Variants in RERE observed in about 807,000 individuals in gnomAD.
RERE encodes arginine-glutamic acid dipeptide repeats, also known as arginine-glutamic acid dipeptide repeats protein.
In RERE, 40 loss-of-function variants were observed where a neutral mutation model predicts 146.1. The ratio of observed to expected loss-of-function variants is 0.27; its 90% CI spans 0.21 to 0.36. RERE has a LOEUF of 0.36. Among genes scored for constraint, RERE ranks in the 10% least tolerant of loss-of-function variants. The pLI is 1.00. For synonymous variants in RERE, 1,003 were observed against 866.0 expected, an observed-to-expected ratio of 1.16 and a Z score of -2.78; for missense variants, 1,933 against 2,138.7, an observed-to-expected ratio of 0.90 and a Z score of 1.90.
At chr1:8,633,542 G>C (rs994191441) in intron 2 of RERE, among the ~76,000 whole-genome samples, 9 of 152,120 alleles carry the variant, frequency 5.9e-5, no homozygotes, top group Admixed American at 3.3e-4. Context: ...TTTTCTTCTT[G>C]AGTGATTACT....
intron 12 of RERE, among the ~76,000 whole-genome samples, chr1:8,393,653 T>C (rs1179275623): frequency 2.0e-5 from 3 of 152,198 alleles, no homozygotes; most frequent in Non-Finnish European, 4.4e-5. Context: ...GTTATTTCTG[T>C]TATCAATATT....
chr1:8,564,250 A>G (rs1209705638), intron 4 of RERE, among the ~76,000 whole-genome samples: 3 of 152,168 alleles, frequency 2.0e-5, no homozygotes, highest in Non-Finnish European at 4.4e-5. Context: ...TATCCAAAAT[A>G]CCTGGGACCA....
At chr1:8,424,874 C>G (rs1643987226) in intron 11 of RERE, 1 of 152,600 alleles carries the variant, frequency 6.6e-6, no homozygotes, top group South Asian at 2.1e-4. Context: ...CAGAAGTCAG[C>G]CAGGAAAAGG....
In RERE at chr1:8,411,948, C is replaced by G. The variant is rs377246140; in HGVS notation, c.1284+10779G>C. Among the ~76,000 whole-genome samples the G allele has an allele frequency of 3.9e-4, 60 of 152,226 alleles. No homozygotes were observed. The South Asian group carries it at 0.012, about 30-fold the overall frequency. On this transcript the variant is annotated intron_variant, in intron 12 of 22. Transcript: ENST00000400908. Reference sequence around the variant, plus strand: ...ACAGATTCTCGCCAAATGAAAACACCTCCCTCGACAACTTAAGGCCACAAA... The same window carrying G: ...ACAGATTCTCGCCAAATGAAAACACGTCCCTCGACAACTTAAGGCCACAAA...
intron 3 of RERE, among the ~76,000 whole-genome samples, chr1:8,622,486 T>TAAA (rs1167355778): frequency 1.6e-4 from 7 of 43,028 alleles, no homozygotes; most frequent in Admixed American, 2.9e-4. Flanking sequence ...TGTATCTGTT[T>TAAA]AAAAAAAAAA....
intron 1 of RERE, among the ~76,000 whole-genome samples, chr1:8,765,893 A>C (rs946990601): frequency 6.6e-6 from 1 of 152,198 alleles, no homozygotes; most frequent in African/African-American, 2.4e-5. Flanking sequence ...CGGAGGTTGC[A>C]GTGAGTCAAG....
intron 2 of RERE, among the ~76,000 whole-genome samples, chr1:8,646,189 C>T (rs1000567958): frequency 6.6e-6 from 1 of 152,040 alleles, no homozygotes; most frequent in Non-Finnish European, 1.5e-5. Flanking sequence ...TCCCAAAATT[C>T]GTATGTTGAA....
intron 1 of RERE, among the ~76,000 whole-genome samples, chr1:8,757,620 T>G (rs1234850378): frequency 7.0e-6 from 1 of 143,112 alleles, no homozygotes; most frequent in Non-Finnish European, 1.6e-5. Context: ...GATAGAACAT[T>G]GTAGTTAAGA....
At chr1:8,413,554 G>A (rs1179497294) in intron 12 of RERE, among the ~76,000 whole-genome samples, 4 of 151,106 alleles carry the variant, frequency 2.6e-5, no homozygotes, top group African/African-American at 9.7e-5. Flanking sequence ...ATGTTGCCTA[G>A]GCTAGACTTG....
chr1:8,602,411 A>T (rs1466440039), intron 4 of RERE, among the ~76,000 whole-genome samples: 2 of 151,898 alleles, frequency 1.3e-5, no homozygotes, highest in Non-Finnish European at 2.9e-5. Context: ...AAAGGAAAAG[A>T]AAACATAATA....
At chr1:8,476,373 A>G (rs1354674337) in intron 10 of RERE, among the ~76,000 whole-genome samples, 1 of 152,210 alleles carries the variant, frequency 6.6e-6, no homozygotes, top group Non-Finnish European at 1.5e-5. Context: ...AGGACAGGCA[A>G]TCTGGTGGGA....
At chr1:8,613,352 G>A (rs901203421) in intron 4 of RERE, among the ~76,000 whole-genome samples, 7 of 152,102 alleles carry the variant, frequency 4.6e-5, no homozygotes, top group South Asian at 4.1e-4. Flanking sequence ...CTTCAGTGAC[G>A]TCCTGCGGGT....
At chr1:8,559,990 G>A (rs1398110443) in intron 4 of RERE, among the ~76,000 whole-genome samples, 1 of 152,098 alleles carries the variant, frequency 6.6e-6, no homozygotes, top group African/African-American at 2.4e-5. Context: ...ACTTAAGAGG[G>A]GTAGAGGAAA....
rs140409270 is a variant in RERE at position 8,635,096 on chromosome 1, T to C, written c.326-10716A>G. Among the ~76,000 whole-genome samples the C allele has an allele frequency of 2.4e-4, 37 of 152,316 alleles. No individual in the cohort carries two copies. In the East Asian group the frequency reaches 6.4e-3, roughly 26 times the overall value. ...AGACACTTTCCTATGACAATAAATA[T>C]TGAGACCTCATTTTTCCTTTAAAGA... is the stretch of plus-strand genomic sequence containing the variant. On this transcript the variant is annotated intron_variant, in intron 2 of 22. Transcript: ENST00000400908.
chr1:8,527,775 G>A (rs1645587639), intron 7 of RERE, among the ~76,000 whole-genome samples: 1 of 152,074 alleles, frequency 6.6e-6, no homozygotes, highest in Non-Finnish European at 1.5e-5. Context: ...AAGACAGACA[G>A]CCCTTTCTCT....
intron 8 of RERE, among the ~76,000 whole-genome samples, chr1:8,502,902 G>A (rs1200177490): frequency 6.6e-6 from 1 of 151,126 alleles, no homozygotes; most frequent in African/African-American, 2.4e-5. Context: ...TGCTCGTTAA[G>A]AGTCATCACC....
intron 12 of RERE, among the ~76,000 whole-genome samples, chr1:8,391,723 T>A (rs557731564): frequency 2.0e-5 from 3 of 152,334 alleles, no homozygotes; most frequent in East Asian, 3.9e-4. Context: ...ATTCACCTAA[T>A]CTGTCTTCTT....
intron 10 of RERE, among the ~76,000 whole-genome samples, chr1:8,475,328 C>A (rs1019630609): frequency 1.3e-5 from 2 of 151,242 alleles, no homozygotes; most frequent in Admixed American, 1.3e-4. Flanking sequence ...TAGCCGAGAC[C>A]GCGCCACTGC....
chr1:8,505,412 AG>A (rs1438596378), intron 8 of RERE, among the ~76,000 whole-genome samples: 1 of 152,200 alleles, frequency 6.6e-6, no homozygotes, highest in African/African-American at 2.4e-5. Flanking sequence ...AAGAGGTGTG[AG>A]GGGGAATAAA....
Sources: gnomAD v4.1 joint callset for allele counts (sites outside exome capture counted in the v4.1 genomes callset) on GRCh38, gnomAD v4.1.1 for gene constraint, MANE v1.5 for transcripts, NCBI Gene and HGNC (gene_info 2026-07-23, HGNC 2026-07-21) for gene names.